Variants in TMEM178B observed in about 807,000 individuals in gnomAD.
The protein encoded by TMEM178B is transmembrane protein 178B.
Under a neutral mutation model 31.0 loss-of-function variants are expected in TMEM178B, and 5 were observed. That is an observed-to-expected ratio of 0.16 (90% confidence interval 0.08 to 0.34). TMEM178B has a LOEUF of 0.34. Ranked by LOEUF, TMEM178B falls within the 10% of genes least tolerant of loss-of-function variation. The probability of loss-of-function intolerance (pLI) is 1.00; values close to 1 mark genes in which losing one functional copy is unlikely to be tolerated. For missense variants in TMEM178B, 275 were observed against 400.3 expected, an observed-to-expected ratio of 0.69 and a Z score of 2.67; for synonymous variants, 164 against 164.0, an observed-to-expected ratio of 1.00 and a Z score of 0.00.
At chr7:141,126,024 C>T (rs1454405354) in intron 1 of TMEM178B, among the ~76,000 whole-genome samples, 2 of 152,206 alleles carry the variant, frequency 1.3e-5, no homozygotes, top group Non-Finnish European at 2.9e-5. Context: ...CCTTCCCTAA[C>T]AGGCTTTGTG....
At chr7:141,150,986 C>T (rs1386256924) in intron 1 of TMEM178B, among the ~76,000 whole-genome samples, 1 of 152,150 alleles carries the variant, frequency 6.6e-6, no homozygotes, top group African/African-American at 2.4e-5. Context: ...CGAAATAATA[C>T]ATCATTCATG....
At chr7:141,157,524 A>C (rs1412343653) in intron 1 of TMEM178B, among the ~76,000 whole-genome samples, 1 of 152,060 alleles carries the variant, frequency 6.6e-6, no homozygotes, top group Non-Finnish European at 1.5e-5. Flanking sequence ...GAACAACAAC[A>C]ACAACAACAA....
At chr7:141,157,149 A>C (rs1796084332) in intron 1 of TMEM178B, among the ~76,000 whole-genome samples, 1 of 152,058 alleles carries the variant, frequency 6.6e-6, no homozygotes, top group Non-Finnish European at 1.5e-5. Flanking sequence ...CCCTCTTCCC[A>C]CTGGCCAAGA....
In TMEM178B at chr7:141,212,669, C is replaced by T. The variant is rs948308233; in HGVS notation, c.461C>T (p.Thr154Met). 3.3e-6 allele frequency: 5 copies of T among 1,536,082 alleles called. No individual in the cohort carries two copies. The highest frequency in any genetic ancestry group is 1.2e-5 in the South Asian group (1 of 84,058). ...TIPRNLTFNITKTIRQDEWHA... is the reference protein window; with the variant it reads ...TIPRNLTFNIMKTIRQDEWHA... The stretch of plus-strand genomic sequence containing the variant: ...CCCAGGAACCTCACTTTCAATATCA[C>T]GAAGACCATCCGTCAGGATGAGTGG... The change falls in exon 2 of 4, where the codon ACG becomes ATG. Residue 154 changes from threonine (T) to methionine (M), a missense_variant. Physicochemically the swap from Thr to Met is moderately conservative, Grantham distance 81. Transcript: ENST00000565468.
intron 1 of TMEM178B, among the ~76,000 whole-genome samples, chr7:141,075,460 T>G (rs1166727315): frequency 6.6e-6 from 1 of 152,204 alleles, no homozygotes; most frequent in African/African-American, 2.4e-5. Flanking sequence ...CAAAACAAGC[T>G]GCATTTGCTA....
intron 2 of TMEM178B, among the ~76,000 whole-genome samples, chr7:141,368,585 C>T (rs1386681732): frequency 6.6e-6 from 1 of 152,166 alleles, no homozygotes; most frequent in East Asian, 1.9e-4. Context: ...GAATACAATT[C>T]TACTACAGGG....
At chr7:141,354,087 T>C (rs1213965038) in intron 2 of TMEM178B, among the ~76,000 whole-genome samples, 2 of 152,240 alleles carry the variant, frequency 1.3e-5, no homozygotes, top group South Asian at 4.1e-4. Flanking sequence ...AAAGCAAATC[T>C]GAGAACTAGC....
intron 2 of TMEM178B, among the ~76,000 whole-genome samples, chr7:141,373,186 G>C (rs1010603420): frequency 6.6e-6 from 1 of 152,200 alleles, no homozygotes; most frequent in African/African-American, 2.4e-5. Flanking sequence ...CATATTGGAA[G>C]TGCTCTGGAA....
chr7:141,239,647 C>T (rs1797585863), intron 2 of TMEM178B, among the ~76,000 whole-genome samples: 1 of 151,840 alleles, frequency 6.6e-6, no homozygotes, highest in Admixed American at 6.6e-5. Context: ...CGGCACCCAC[C>T]ACAGGGGGTG....
chr7:141,152,115 G>T (rs1230564305), intron 1 of TMEM178B, among the ~76,000 whole-genome samples: 1 of 152,192 alleles, frequency 6.6e-6, no homozygotes, highest in African/African-American at 2.4e-5. Flanking sequence ...TGTGGCAGCT[G>T]CCTCCCTGGA....
chr7:141,108,820 G>GT (rs1387330881), intron 1 of TMEM178B, among the ~76,000 whole-genome samples: 3 of 152,166 alleles, frequency 2.0e-5, no homozygotes, highest in Admixed American at 6.5e-5. Context: ...AACCAGGAGT[G>GT]TATTAGTCCG....
At chr7:141,162,362 G>A (rs1409892607) in intron 1 of TMEM178B, among the ~76,000 whole-genome samples, 1 of 152,198 alleles carries the variant, frequency 6.6e-6, no homozygotes, top group Admixed American at 6.5e-5. Flanking sequence ...TTGCTGGCAT[G>A]CGATACACCC....
chr7:141,385,729 C>T (rs1283777539), intron 2 of TMEM178B, among the ~76,000 whole-genome samples: 1 of 152,214 alleles, frequency 6.6e-6, no homozygotes, highest in East Asian at 1.9e-4. Flanking sequence ...TCCTGTTATT[C>T]CTGGACCACC....
chr7:141,317,657 C>G (rs963745659), intron 2 of TMEM178B, among the ~76,000 whole-genome samples: 1 of 152,156 alleles, frequency 6.6e-6, no homozygotes, highest in African/African-American at 2.4e-5. Flanking sequence ...TCTGTGTGCT[C>G]TGATCAAGCT....
chr7:141,312,016 T>C (rs915218590), intron 2 of TMEM178B, among the ~76,000 whole-genome samples: 3 of 152,360 alleles, frequency 2.0e-5, no homozygotes, highest in Middle Eastern at 3.4e-3. Context: ...AGATGACTTC[T>C]CTACTTTCTG....
At chr7:141,089,505 A>G (rs1393695587) in intron 1 of TMEM178B, among the ~76,000 whole-genome samples, 1 of 152,056 alleles carries the variant, frequency 6.6e-6, no homozygotes, top group African/African-American at 2.4e-5. Context: ...CCATCCCATT[A>G]CTGGGTATAT....
intron 1 of TMEM178B, among the ~76,000 whole-genome samples, chr7:141,210,054 A>T (rs959125190): frequency 6.6e-6 from 1 of 152,074 alleles, no homozygotes; most frequent in African/African-American, 2.4e-5. Context: ...TCCACATGGG[A>T]GGGTGGCCTG....
chr7:141,346,051 C>T (rs956178160), intron 2 of TMEM178B, among the ~76,000 whole-genome samples: 1 of 151,918 alleles, frequency 6.6e-6, no homozygotes, highest in Non-Finnish European at 1.5e-5. Flanking sequence ...GAAACCCTGT[C>T]TCTACTAAAA....
intron 3 of TMEM178B, among the ~76,000 whole-genome samples, chr7:141,470,241 A>G (rs1802215144): frequency 6.6e-6 from 1 of 152,140 alleles, no homozygotes; most frequent in South Asian, 2.1e-4. Flanking sequence ...CCCCACACAA[A>G]ATGCTCATGA....
Sources: allele counts gnomAD v4.1 joint callset (sites outside exome capture counted in the v4.1 genomes callset), GRCh38; gene constraint gnomAD v4.1.1; transcripts MANE v1.5; gene names NCBI Gene and HGNC (gene_info 2026-07-23, HGNC 2026-07-21).